The following CHN2 variants were observed in gnomAD, a reference collection of about 807,000 sequenced individuals.
The protein encoded by CHN2 is beta-chimaerin.
In CHN2, 35 loss-of-function variants were observed where a neutral mutation model predicts 56.3. The ratio of observed to expected loss-of-function variants is 0.62; its 90% confidence interval spans 0.47 to 0.82. The LOEUF (loss-of-function observed/expected upper bound fraction) is 0.82. Among genes scored for constraint, CHN2 ranks in the 40% least tolerant of loss-of-function variants. CHN2 has a pLI of 0.00. For synonymous variants in CHN2, 210 were observed against 212.8 expected, an observed-to-expected ratio of 0.99 and a Z score of 0.12; for missense variants, 491 against 580.5, an observed-to-expected ratio of 0.85 and a Z score of 1.58.
intron 6 of CHN2, among the ~76,000 whole-genome samples, chr7:29,431,105 C>T (rs550894769): frequency 6.6e-6 from 1 of 152,250 alleles, no homozygotes; most frequent in African/African-American, 2.4e-5. Flanking sequence ...AGGGAACACC[C>T]ACAACTCATA....
intron 1 of CHN2, among the ~76,000 whole-genome samples, chr7:29,257,159 A>G (rs1789140529): frequency 6.6e-6 from 1 of 152,078 alleles, no homozygotes; most frequent in South Asian, 2.1e-4. Flanking sequence ...CTTGGCCACC[A>G]TCTTCCTTGA....
chr7:29,221,103 C>A (rs1161958183), intron 1 of CHN2, among the ~76,000 whole-genome samples: 2 of 152,140 alleles, frequency 1.3e-5, no homozygotes, highest in African/African-American at 2.4e-5. Context: ...AAGGGAATTT[C>A]TTTGATGTTA....
chr7:29,427,877 G>A (rs1053937002), intron 6 of CHN2, among the ~76,000 whole-genome samples: 3 of 151,834 alleles, frequency 2.0e-5, no homozygotes, highest in Non-Finnish European at 4.4e-5. Context: ...GGTTGGTCTC[G>A]ATCTCTTGAC....
At chr7:29,416,007 G>A (rs1202355757) in intron 6 of CHN2, among the ~76,000 whole-genome samples, 1 of 152,164 alleles carries the variant, frequency 6.6e-6, no homozygotes, top group Non-Finnish European at 1.5e-5. Flanking sequence ...AGAGTGGGAG[G>A]AAGCAGGAAA....
intron 1 of CHN2, among the ~76,000 whole-genome samples, chr7:29,204,107 GT>G (rs1784362477): frequency 6.8e-6 from 1 of 147,372 alleles, no homozygotes; most frequent in African/African-American, 2.6e-5. Flanking sequence ...GTGTGTGTGT[GT>G]GTGTGTGTAG....
chr7:29,255,548 C>T (rs1439768402), intron 1 of CHN2, among the ~76,000 whole-genome samples: 3 of 152,098 alleles, frequency 2.0e-5, no homozygotes, highest in Non-Finnish European at 4.4e-5. Context: ...TTCTTTTTCT[C>T]TTGTCTTTCT....
chr7:29,435,995 T>C (rs1783195428), intron 6 of CHN2, among the ~76,000 whole-genome samples: 1 of 150,984 alleles, frequency 6.6e-6, no homozygotes, highest in Non-Finnish European at 1.5e-5. Context: ...AGGTGTGGAA[T>C]GAAGCAGTCT....
chr7:29,179,753 C>G (rs948254423), intron 2 of CHN2, among the ~76,000 whole-genome samples: 1 of 152,048 alleles, frequency 6.6e-6, no homozygotes, highest in African/African-American at 2.4e-5. Flanking sequence ...ATGCAAAACA[C>G]GGGTAAGAAC....
chr7:29,189,075 C>T lies in CHN2; in HGVS notation c.274+42115C>T, dbSNP rs149942375. Among the ~76,000 whole-genome samples the T allele has an allele frequency of 1.9e-3, 288 of 151,920 alleles. 1 individual carries two copies. Among genetic ancestry groups the T allele is most frequent in the African/African-American group, 6.5e-3 (267 of 41,380 alleles). ...AAGCAATTCTCCTGTCTCAGCCTCC[C>T]GAGTAGCTGACATTACAGGCGCACA... On this transcript the variant is annotated intron_variant, in intron 2 of 6. Transcript: ENST00000439384.
At chr7:29,176,068 C>T (rs1049720919) in intron 2 of CHN2, among the ~76,000 whole-genome samples, 5 of 151,952 alleles carry the variant, frequency 3.3e-5, no homozygotes, top group Non-Finnish European at 5.9e-5. Context: ...CGCCTGTAGT[C>T]CCAGCTACTC....
At position 29,408,584 on chromosome 7, in the gene CHN2, G is replaced by A. The variant is rs79660569; in HGVS notation, c.576+7756G>A. On this transcript the variant is annotated intron_variant, in intron 6 of 12. Coordinates refer to ENST00000222792, the MANE Select transcript of CHN2 (RefSeq NM_004067.4). ...GTTACCTGTGCTGGTTCAGGGTTTG[G>A]CTTTGCTCCCTTTCCATGACTCCTT... is the stretch of plus-strand genomic sequence containing the variant. Among the ~76,000 whole-genome samples, 10 of 152,294 alleles carry A rather than the reference G, an allele frequency of 6.6e-5. No individual in the cohort carries two copies. The East Asian group carries it at 1.9e-3, about 29-fold the overall frequency.
At chr7:29,507,161 T>TTG (rs1790663843) in intron 10 of CHN2, 67 bp from the exon 11 acceptor site, 1 of 1,434,570 alleles carries the variant, frequency 7.0e-7, no homozygotes, top group Non-Finnish European at 9.3e-7. Context: ...TTTTTTTTTT[T>TTG]CCTTTCTGTA....
At chr7:29,457,776 C>T (rs986351768) in intron 6 of CHN2, among the ~76,000 whole-genome samples, 1 of 152,108 alleles carries the variant, frequency 6.6e-6, no homozygotes, top group Non-Finnish European at 1.5e-5. Context: ...TGGCAGTGCG[C>T]GCTTCCATTT....
At chr7:29,414,011 C>T (rs1404015548) in intron 6 of CHN2, among the ~76,000 whole-genome samples, 1 of 152,238 alleles carries the variant, frequency 6.6e-6, no homozygotes, top group African/African-American at 2.4e-5. Context: ...TCTAAGAGAA[C>T]AATCTCTGTG....
intron 1 of CHN2, among the ~76,000 whole-genome samples, chr7:29,309,488 G>C (rs891379211): frequency 1.3e-5 from 2 of 152,152 alleles, no homozygotes; most frequent in African/African-American, 2.4e-5. Context: ...GGCCCCCGGT[G>C]GTGGGAGCAT....
chr7:29,213,425 G>A (rs991055853), intron 1 of CHN2, among the ~76,000 whole-genome samples: 5 of 152,048 alleles, frequency 3.3e-5, no homozygotes, highest in Admixed American at 1.3e-4. Flanking sequence ...TGGATCTTCC[G>A]GAGAAAAGAC....
rs113555095 is a variant in CHN2 at position 29,404,457 on chromosome 7, G to A, written c.576+3629G>A. Among the ~76,000 whole-genome samples, 23 of 152,118 alleles carry A rather than the reference G, an allele frequency of 1.5e-4. 1 individual carries two copies. The highest frequency in any genetic ancestry group is 4.3e-4 in the African/African-American group (18 of 41,510). On this transcript the variant is annotated intron_variant, in intron 6 of 12. Coordinates refer to ENST00000222792, the MANE Select transcript of CHN2 (RefSeq NM_004067.4). ...AAGAATATATTATACCAGTTTATCC[G>A]TTTCACTGTTCATTATAGCAGCAAA...
chr7:29,206,935 G>A (rs1456031496), intron 1 of CHN2, among the ~76,000 whole-genome samples: 4 of 152,198 alleles, frequency 2.6e-5, no homozygotes, highest in Admixed American at 6.5e-5. Context: ...GTCCCCTGCG[G>A]CTGAGAGGTT....
chr7:29,334,126 A>G (rs936524421), intron 1 of CHN2, among the ~76,000 whole-genome samples: 21 of 139,698 alleles, frequency 1.5e-4, no homozygotes, highest in African/African-American at 5.2e-4. Context: ...ATCTCGGCTC[A>G]CTGCAACCTC....
Sources: allele counts gnomAD v4.1 joint callset (sites outside exome capture counted in the v4.1 genomes callset), GRCh38; gene constraint gnomAD v4.1.1; transcripts MANE v1.5; gene names NCBI Gene and HGNC (gene_info 2026-07-23, HGNC 2026-07-21).